The following NXPE2 variants were observed in gnomAD, a reference collection of about 807,000 sequenced individuals.
NXPE2 encodes NXPE family member 2.
A neutral mutation model predicts 34.4 loss-of-function variants in NXPE2; 34 were observed. The ratio of observed to expected loss-of-function variants is 0.99; its 90% CI spans 0.75 to 1.31. The LOEUF is 1.31. NXPE2 is among the 40% of genes most tolerant of loss of function. The pLI is 0.00. For synonymous variants in NXPE2, 235 were observed against 231.3 expected (o/e 1.02, Z -0.15); for missense variants, 649 against 672.5 (o/e 0.97, Z 0.39).
the NXPE2 span, among the ~76,000 whole-genome samples, chr11:114,523,845 T>A: frequency 1.3e-5 from 2 of 152,220 alleles, no homozygotes; most frequent in African/African-American, 2.4e-5. Flanking sequence ...TATTTTAGGA[T>A]TTGTTATATC....
At chr11:114,582,685 G>C in the NXPE2 span, 1 of 1,614,120 alleles carries the variant, frequency 6.2e-7, no homozygotes, top group East Asian at 2.2e-5. Flanking sequence ...ATCAGCGCTG[G>C]GGAAGACATC....
chr11:114,521,108 T>C, the NXPE2 span, among the ~76,000 whole-genome samples: 1 of 152,226 alleles, frequency 6.6e-6, no homozygotes, highest in Non-Finnish European at 1.5e-5. Context: ...TCATTAGCTG[T>C]AATTCTTCCA....
the NXPE2 span, among the ~76,000 whole-genome samples, chr11:114,622,745 C>T: frequency 6.8e-4 from 102 of 150,444 alleles, no homozygotes; most frequent in Non-Finnish European, 1.2e-3. Flanking sequence ...ACCACTGTTA[C>T]CCAGCGGATA....
the NXPE2 span, among the ~76,000 whole-genome samples, chr11:114,632,207 A>C: frequency 1.4e-5 from 2 of 141,314 alleles, no homozygotes; most frequent in Admixed American, 7.6e-5. Flanking sequence ...TATACATATT[A>C]TATATGTATA....
the NXPE2 span, among the ~76,000 whole-genome samples, chr11:114,537,501 G>A: frequency 1.2e-4 from 19 of 152,212 alleles, no homozygotes; most frequent in Non-Finnish European, 2.2e-4. Context: ...GTCCCTGTTT[G>A]CAGATGACAT....
the NXPE2 span, among the ~76,000 whole-genome samples, chr11:114,642,338 T>A: frequency 6.6e-6 from 1 of 152,022 alleles, no homozygotes; most frequent in Admixed American, 6.6e-5. Flanking sequence ...GTGCAGAACA[T>A]AGATATACAC....
the NXPE2 span, among the ~76,000 whole-genome samples, chr11:114,766,154 A>G: frequency 4.6e-5 from 7 of 152,072 alleles, no homozygotes; most frequent in East Asian, 1.9e-4. Flanking sequence ...CCAAGGCTCT[A>G]TGATTTTCCC....
chr11:114,512,455 C>T, the NXPE2 span, among the ~76,000 whole-genome samples: 4 of 152,070 alleles, frequency 2.6e-5, no homozygotes, highest in Middle Eastern at 6.8e-3. Flanking sequence ...TTGGCAGCCA[C>T]GTAAGTTTAA....
the NXPE2 span, chr11:114,527,726 TGACATCATA>T: frequency 1.6e-6 from 1 of 621,214 alleles, no homozygotes; most frequent in Non-Finnish European, 2.7e-6. Flanking sequence ...CCAGCATGAT[TGACATCATA>T]GACATCTGCT....
chr11:114,636,020 G>C, the NXPE2 span, among the ~76,000 whole-genome samples: 2 of 151,904 alleles, frequency 1.3e-5, no homozygotes, highest in Non-Finnish European at 2.9e-5. Flanking sequence ...CTATTGATTG[G>C]AATAGTTTCA....
the NXPE2 span, among the ~76,000 whole-genome samples, chr11:114,590,267 A>G: frequency 2.0e-5 from 3 of 152,228 alleles, no homozygotes; most frequent in Non-Finnish European, 4.4e-5. Flanking sequence ...CTGACAGAGC[A>G]TATAAGATTT....
the NXPE2 span, among the ~76,000 whole-genome samples, chr11:114,662,477 G>T: frequency 6.6e-6 from 1 of 152,166 alleles, no homozygotes; most frequent in African/African-American, 2.4e-5. Context: ...CACAAGGACT[G>T]CAACTTTTAG....
At chr11:114,530,309 A>C in the NXPE2 span, 1 of 1,614,242 alleles carries the variant, frequency 6.2e-7, no homozygotes. Context: ...TGTCATCCAG[A>C]TATTCACAGA....
At chr11:114,489,988 C>G in the NXPE2 span, among the ~76,000 whole-genome samples, 1 of 152,184 alleles carries the variant, frequency 6.6e-6, no homozygotes. Context: ...TCTCCTCAAG[C>G]TGATAAGCAA....
At chr11:114,629,293 C>A in the NXPE2 span, among the ~76,000 whole-genome samples, 1 of 152,028 alleles carries the variant, frequency 6.6e-6, no homozygotes, top group Non-Finnish European at 1.5e-5. Context: ...CAAACGGAAT[C>A]CAGCAGCACA....
upstream of NXPE2, among the ~76,000 whole-genome samples, chr11:114,675,904 T>G (rs149699791): frequency 5.1e-3 from 774 of 151,854 alleles, 14 homozygotes; most frequent in African/African-American, 0.017. Flanking sequence ...AACAGACACA[T>G]AGAAGAATGG....
the NXPE2 span, among the ~76,000 whole-genome samples, chr11:114,615,015 C>A: frequency 1.3e-5 from 2 of 151,298 alleles, no homozygotes; most frequent in Non-Finnish European, 2.9e-5. Flanking sequence ...TAAGTGTTTC[C>A]TCGTGGGTAA....
chr11:114,759,592 T>C, the NXPE2 span, among the ~76,000 whole-genome samples: 2 of 152,204 alleles, frequency 1.3e-5, no homozygotes, highest in Non-Finnish European at 2.9e-5. Context: ...TTCTCCCAGT[T>C]ATGTAGTATT....
intron 3 of NXPE2, among the ~76,000 whole-genome samples, chr11:114,700,685 G>A (rs908413942): frequency 6.6e-6 from 1 of 152,104 alleles, no homozygotes; most frequent in Admixed American, 6.6e-5. Flanking sequence ...AAAAAAATAA[G>A]TAAAATAATA....
Sources: gnomAD v4.1 joint callset for allele counts (sites outside exome capture counted in the v4.1 genomes callset) on GRCh38, gnomAD v4.1.1 for gene constraint, MANE v1.5 for transcripts, NCBI Gene and HGNC (gene_info 2026-07-23, HGNC 2026-07-21) for gene names.